COL11A1: variants seen among roughly 807,000 people sequenced by gnomAD.
COL11A1 encodes collagen type XI alpha 1 chain.
In COL11A1, 74 loss-of-function variants were observed where a neutral mutation model predicts 265.2. The observed-to-expected ratio is 0.28, with a 90% CI of 0.23 to 0.34. The LOEUF (loss-of-function observed/expected upper bound fraction) is 0.34, where lower values mean the gene tolerates loss of function less well. Among genes scored for constraint, COL11A1 ranks in the 10% least tolerant of loss-of-function variants. The pLI is 1.00. For synonymous variants in COL11A1, 816 were observed against 727.6 expected, an observed-to-expected ratio of 1.12 and a Z score of -1.96; for missense variants, 2,165 against 2,263.6, an observed-to-expected ratio of 0.96 and a Z score of 0.88.
intron 28 of COL11A1, among the ~76,000 whole-genome samples, chr1:102,994,610 A>T (rs1013774392): frequency 2.0e-5 from 3 of 152,118 alleles, no homozygotes; most frequent in African/African-American, 7.2e-5. Context: ...CAGTGCAAGG[A>T]CAGTCTAATA....
chr1:102,890,184 A>G (rs1216468440), intron 58 of COL11A1, among the ~76,000 whole-genome samples: 1 of 152,090 alleles, frequency 6.6e-6, no homozygotes, highest in African/African-American at 2.4e-5. Flanking sequence ...CTGAATAGTT[A>G]TTTTAGTATA....
chr1:103,099,135 CT>C (rs530798756), intron 1 of COL11A1, among the ~76,000 whole-genome samples: 16 of 151,758 alleles, frequency 1.1e-4, no homozygotes, highest in Non-Finnish European at 2.2e-4. Flanking sequence ...TAGATGGATT[CT>C]GTTCTAGATG....
At chr1:103,071,467 C>CTTTTTTTT (rs869263393) in intron 4 of COL11A1, among the ~76,000 whole-genome samples, 2 of 49,892 alleles carry the variant, frequency 4.0e-5, no homozygotes, top group Non-Finnish European at 7.7e-5. Context: ...GTTGGTAGGA[C>CTTTTTTTT]TTTTTTTTTT....
At chr1:103,042,258 CAAAT>C (rs1668871540) in intron 4 of COL11A1, among the ~76,000 whole-genome samples, 2 of 152,024 alleles carry the variant, frequency 1.3e-5, no homozygotes, top group African/African-American at 4.8e-5. Flanking sequence ...TTATTATACA[CAAAT>C]AAATAAGATA....
intron 42 of COL11A1, among the ~76,000 whole-genome samples, chr1:102,940,662 C>T (rs1468182200): frequency 1.3e-5 from 2 of 152,078 alleles, no homozygotes; most frequent in Non-Finnish European, 2.9e-5. Context: ...TAGGACCCAA[C>T]TTAGAATTTT....
chr1:102,947,070 A>G, intron 41 of COL11A1, 114 bp from the exon 42 acceptor site: 1 of 918,482 alleles, frequency 1.1e-6, no homozygotes, highest in South Asian at 1.5e-5. Flanking sequence ...AGAAACATTT[A>G]GAGTTTAGAT....
intron 37 of COL11A1, 139 bp from the exon 38 acceptor site, chr1:102,965,679 T>C (rs1185507885): frequency 1.5e-6 from 1 of 668,292 alleles, no homozygotes; most frequent in Non-Finnish European, 2.6e-6. Flanking sequence ...TGCTTAAATA[T>C]GTTTAATATG....
At chr1:102,889,264 CTT>C (rs1651419893) in intron 59 of COL11A1, among the ~76,000 whole-genome samples, 189 bp downstream of exon 59, 1 of 152,064 alleles carries the variant, frequency 6.6e-6, no homozygotes, top group East Asian at 1.9e-4. Flanking sequence ...TGGTTTCTAA[CTT>C]AAATATTTTA....
Position 102,878,104 on chromosome 1 carries a change from G to A in COL11A1, c.5336C>T (p.Pro1779Leu), listed in dbSNP as rs1291771601. Reference sequence around the variant, plus strand: ...GTCATTGATCATGACATCAACAATAGGTACTTGATCAATTTTTGGTGTATT... The same window carrying A: ...GTCATTGATCATGACATCAACAATAAGTACTTGATCAATTTTTGGTGTATT... ...EINTPKIDQVPIVDVMINDFG... is the reference protein window; with the variant it reads ...EINTPKIDQVLIVDVMINDFG... Residue 1779 changes from proline to leucine, a missense_variant, in exon 67 of 67, where the codon CCT becomes CTT. Transcript: ENST00000370096. 6.2e-7 allele frequency: 1 copy of A among 1,613,016 alleles called. No individual in the cohort carries two copies. Among genetic ancestry groups the A allele is most frequent in the Admixed American group, 1.7e-5 (1 of 59,930 alleles).
At chr1:103,048,485 C>T (rs1451166062) in intron 4 of COL11A1, among the ~76,000 whole-genome samples, 1 of 151,802 alleles carries the variant, frequency 6.6e-6, no homozygotes. Flanking sequence ...CTATTCTTCT[C>T]TCTTTTCTTC....
intron 28 of COL11A1, among the ~76,000 whole-genome samples, chr1:102,992,075 T>C (rs938964496): frequency 2.0e-5 from 3 of 152,178 alleles, no homozygotes; most frequent in African/African-American, 7.2e-5. Context: ...ACTCTGACTA[T>C]AGACAGAATT....
chr1:103,000,757 AC>A (rs1243999891), intron 24 of COL11A1, among the ~76,000 whole-genome samples: 5 of 152,006 alleles, frequency 3.3e-5, no homozygotes, highest in African/African-American at 1.2e-4. Flanking sequence ...CTAAGTATAT[AC>A]CAAAAAGAAT....
rs1452021374 is a variant in COL11A1 at position 102,946,963 on chromosome 1, T to C, written c.3169-7A>G. ...CACGTTCTCCTGGTGAGCCCTAGTA[T>C]ACAGGAAAAGAAGTATTTTGTTATT... On this transcript the variant is annotated splice_region_variant and splice_polypyrimidine_tract_variant and intron_variant, in intron 41 of 66. Transcript: ENST00000370096. 1.9e-6 allele frequency: 3 copies of C among 1,605,910 alleles called. No individual in the cohort carries two copies. Among genetic ancestry groups the C allele is most frequent in the Non-Finnish European group, 2.6e-6 (3 of 1,174,828 alleles).
At chr1:103,041,358 A>G (rs536223873) in intron 4 of COL11A1, among the ~76,000 whole-genome samples, 2 of 151,632 alleles carry the variant, frequency 1.3e-5, no homozygotes, top group South Asian at 2.1e-4. Flanking sequence ...CTTTTTACAT[A>G]TCAATTTTTA....
chr1:103,021,205 T>G (rs116634419), intron 9 of COL11A1, among the ~76,000 whole-genome samples: 1,825 of 151,506 alleles, frequency 0.012, 45 homozygotes, highest in African/African-American at 0.042. Flanking sequence ...TTTTAAAAGA[T>G]TAATTTGGAG....
chr1:102,917,498 A>C (rs1655480071), intron 49 of COL11A1, among the ~76,000 whole-genome samples: 1 of 151,930 alleles, frequency 6.6e-6, no homozygotes, highest in African/African-American at 2.4e-5. Context: ...ATGAGATTTA[A>C]TTAAACTAAA....
chr1:103,093,107 A>G (rs1240699951), intron 1 of COL11A1, among the ~76,000 whole-genome samples: 1 of 152,152 alleles, frequency 6.6e-6, no homozygotes, highest in Non-Finnish European at 1.5e-5. Context: ...TATATTGAAA[A>G]TGCAGCTTTA....
intron 4 of COL11A1, among the ~76,000 whole-genome samples, chr1:103,072,869 C>T (rs564023290): frequency 1.3e-3 from 192 of 151,680 alleles, no homozygotes; most frequent in Non-Finnish European, 2.1e-3. Context: ...TTCAAAGATT[C>T]CTACTCTACA....
At chr1:102,952,630 C>A (rs866193025) in intron 41 of COL11A1, among the ~76,000 whole-genome samples, 2 of 152,152 alleles carry the variant, frequency 1.3e-5, no homozygotes. Flanking sequence ...TATATCCATG[C>A]CCTAAAGTAC....
Sources: gnomAD v4.1 joint callset for allele counts (sites outside exome capture counted in the v4.1 genomes callset) on GRCh38, gnomAD v4.1.1 for gene constraint, MANE v1.5 for transcripts, NCBI Gene and HGNC (gene_info 2026-07-23, HGNC 2026-07-21) for gene names.